Variants in DNM1L observed in about 807,000 individuals in gnomAD.
DNM1L encodes dynamin-1-like protein.
Under a neutral mutation model 92.8 loss-of-function variants are expected in DNM1L, and 33 were observed. That is an observed-to-expected ratio of 0.36 (90% CI 0.27 to 0.48). DNM1L has a LOEUF of 0.48. Ranked by LOEUF, DNM1L falls within the 20% of genes least tolerant of loss-of-function variation. The probability of loss-of-function intolerance (pLI) is 0.99; values close to 1 mark genes in which losing one functional copy is unlikely to be tolerated. For missense variants in DNM1L, 485 were observed against 888.8 expected, an observed-to-expected ratio of 0.55 and a Z score of 5.78; for synonymous variants, 284 against 305.0, an observed-to-expected ratio of 0.93 and a Z score of 0.72.
At chr12:32,694,547 C>T (rs1952359756) in intron 1 of DNM1L, among the ~76,000 whole-genome samples, 1 of 152,140 alleles carries the variant, frequency 6.6e-6, no homozygotes, top group Non-Finnish European at 1.5e-5. Flanking sequence ...TTTTATAAGA[C>T]TAAACATTAG....
In DNM1L at chr12:32,694,000, C is replaced by A. The variant is rs572340288; in HGVS notation, c.103-7415C>A. On this transcript the variant is annotated intron_variant, in intron 1 of 19. Transcript: ENST00000549701. ...TCATTCTAGAAAGAAACCTGGTATC[C>A]ATTAGTAGTCACTCCCCATTCTTCT... 1.2e-4 allele frequency among the ~76,000 whole-genome samples: 19 copies of A among 152,172 alleles called. No homozygotes were observed. The South Asian group carries it at 3.3e-3, about 27-fold the overall frequency.
chr12:32,705,881 G>A, intron 2 of DNM1L: 1 of 1,596,764 alleles, frequency 6.3e-7, no homozygotes, highest in Non-Finnish European at 8.5e-7. Context: ...TTATCCATTT[G>A]CTTTTGACCC....
Position 32,720,812 on chromosome 12 carries a change from T to C in DNM1L, c.872+17T>C. 14 of 1,612,112 alleles carry C rather than the reference T, an allele frequency of 8.7e-6. No individual in the cohort carries two copies. Among genetic ancestry groups the C allele is most frequent in the Non-Finnish European group, 1.1e-5 (13 of 1,179,616 alleles). ...TCTAAACAGGTAATTTTTTTACCTTTTGGAAATGAGATGTGTTTGTTTTTA... is the reference window on the plus strand; with the variant it reads ...TCTAAACAGGTAATTTTTTTACCTTCTGGAAATGAGATGTGTTTGTTTTTA... On this transcript the variant is annotated intron_variant, in intron 8 of 19. Transcript: ENST00000549701.
intron 12 of DNM1L, 57 bp from the exon 13 acceptor site, chr12:32,733,658 C>T: frequency 2.1e-6 from 3 of 1,440,468 alleles, no homozygotes; most frequent in Non-Finnish European, 2.9e-6. Flanking sequence ...ATAAATTTCT[C>T]AAAGTAAAAT....
intron 4 of DNM1L, chr12:32,709,540 A>G (rs1256858053): frequency 6.6e-6 from 1 of 152,214 alleles, no homozygotes; most frequent in Non-Finnish European, 1.5e-5. Context: ...CTTTTCATCC[A>G]CAGTGTCTAA....
chr12:32,731,673 A>G lies in DNM1L; in HGVS notation c.1356+162A>G, dbSNP rs1954563879. Among the ~76,000 whole-genome samples the G allele has an allele frequency of 6.6e-6, 1 of 152,184 alleles. No homozygotes were observed. The highest frequency in any genetic ancestry group is 6.5e-5 in the Admixed American group (1 of 15,280). On this transcript the variant is annotated intron_variant, in intron 11 of 19. Coordinates refer to ENST00000549701, the MANE Select transcript of DNM1L (RefSeq NM_012062.5). The surrounding 1 kb of genome is among the most constrained non-coding windows in gnomAD (Gnocchi z 5.1). ...ATAGGATTCTTAAATGTAGTCTCCAAATTGAATTCAGTATTTCTGTGATCA... is the reference window on the plus strand; with the variant it reads ...ATAGGATTCTTAAATGTAGTCTCCAGATTGAATTCAGTATTTCTGTGATCA...
At chr12:32,712,703 C>T (rs1027307940) in intron 5 of DNM1L, among the ~76,000 whole-genome samples, 1 of 150,266 alleles carries the variant, frequency 6.7e-6, no homozygotes, top group Non-Finnish European at 1.5e-5. Context: ...CTAATCATTC[C>T]CTAGCCTGCT....
At chr12:32,710,007 A>C (rs926212953) in intron 4 of DNM1L, among the ~76,000 whole-genome samples, 4 of 152,202 alleles carry the variant, frequency 2.6e-5, no homozygotes, top group African/African-American at 9.7e-5. Flanking sequence ...ACAGGTGATG[A>C]GAGGATATAT....
chr12:32,681,188 G>A (rs1436634158), intron 1 of DNM1L, among the ~76,000 whole-genome samples: 1 of 152,128 alleles, frequency 6.6e-6, no homozygotes, highest in Non-Finnish European at 1.5e-5. Flanking sequence ...TTGCATGTTG[G>A]TGTTTGAAAT....
At chr12:32,710,709 A>G (rs1456772802) in intron 4 of DNM1L, among the ~76,000 whole-genome samples, 1 of 152,202 alleles carries the variant, frequency 6.6e-6, no homozygotes, top group East Asian at 1.9e-4. Flanking sequence ...TAATACATGT[A>G]CATATAACAT....
At chr12:32,712,736 C>A (rs1953189188) in intron 5 of DNM1L, among the ~76,000 whole-genome samples, 1 of 151,344 alleles carries the variant, frequency 6.6e-6, no homozygotes, top group African/African-American at 2.4e-5. Flanking sequence ...TTTCCCACAG[C>A]CCTTACCACC....
At position 32,737,119 on chromosome 12, in the gene DNM1L, C is replaced by T. The variant is rs1954939187; in HGVS notation, c.1554C>T (p.Asn518=). ...MNNNIEEQRR[N]RLARELPSAV... ...GTGTTTCTTAGGAACAAAGGAGAAA[C>T]AGGCTAGCCAGAGAATTACCTTCAG... is the stretch of plus-strand genomic sequence containing the variant. Residue 518 remains asparagine, a synonymous_variant, in exon 14 of 20, where the codon AAC becomes AAT. Coordinates refer to ENST00000549701, the MANE Select transcript of DNM1L (RefSeq NM_012062.5). The T allele has an allele frequency of 1.2e-6, 2 of 1,613,668 alleles. No homozygotes were observed. The highest frequency in any genetic ancestry group is 1.3e-5 in the African/African-American group (1 of 74,998).
chr12:32,727,774 C>T (rs1190752062), intron 9 of DNM1L, among the ~76,000 whole-genome samples: 1 of 152,146 alleles, frequency 6.6e-6, no homozygotes, highest in Admixed American at 6.5e-5. Context: ...ATTTGTTAGG[C>T]CAGTCTCCTA....
intron 1 of DNM1L, among the ~76,000 whole-genome samples, chr12:32,698,887 G>A (rs1193200338): frequency 1.3e-5 from 2 of 152,052 alleles, no homozygotes; most frequent in African/African-American, 4.8e-5. Flanking sequence ...TGTGGTGGCT[G>A]GCTCCTGGAA....
At position 32,731,189 on chromosome 12, in the gene DNM1L, T is replaced by C; in HGVS notation, c.1200+55T>C. 1 of 1,610,052 alleles carries C rather than the reference T, an allele frequency of 6.2e-7. No homozygotes were observed. The highest frequency in any genetic ancestry group is 8.5e-7 in the Non-Finnish European group (1 of 1,177,230). ...AAAAAAATGAGGTTAAAGTTTTTCTTACCCATATACTGTGTCTTTTTAAAT... is the reference window on the plus strand; with the variant it reads ...AAAAAAATGAGGTTAAAGTTTTTCTCACCCATATACTGTGTCTTTTTAAAT... On this transcript the variant is annotated intron_variant, in intron 10 of 19. Transcript: ENST00000549701. This position sits in a 1 kb window ranked among gnomAD's most constrained non-coding sequence, Gnocchi z 5.1.
At chr12:32,717,287 CTATA>C (rs1241743723) in intron 6 of DNM1L, among the ~76,000 whole-genome samples, 17 of 86,370 alleles carry the variant, frequency 2.0e-4, no homozygotes, top group East Asian at 6.0e-4. Context: ...TATATATACA[CTATA>C]TATTTTATAT....
At chr12:32,703,714 A>G (rs1952806385) in intron 2 of DNM1L, among the ~76,000 whole-genome samples, 1 of 152,184 alleles carries the variant, frequency 6.6e-6, no homozygotes, top group African/African-American at 2.4e-5. Context: ...TAGGTTACCA[A>G]TAGTAGATTC....
intron 18 of DNM1L, among the ~76,000 whole-genome samples, chr12:32,741,676 A>G (rs1955304237): frequency 1.3e-5 from 2 of 152,156 alleles, no homozygotes; most frequent in Non-Finnish European, 1.5e-5. Flanking sequence ...CACGTATTTG[A>G]ATGTGTTCCC....
intron 9 of DNM1L, chr12:32,726,819 A>G (rs899696525): frequency 1.6e-6 from 1 of 623,652 alleles, no homozygotes; most frequent in African/African-American, 1.8e-5. Flanking sequence ...ATCAAAGGAA[A>G]AGTGATCAGA....
Sources: gnomAD v4.1 joint callset for allele counts (sites outside exome capture counted in the v4.1 genomes callset) on GRCh38, gnomAD v4.1.1 for gene constraint, Gnocchi (gnomAD v3.1) non-coding constraint, MANE v1.5 for transcripts, NCBI Gene and HGNC (gene_info 2026-07-23, HGNC 2026-07-21) for gene names.